The following SH3BGRL2 variants were observed in gnomAD, a reference collection of about 807,000 sequenced individuals.
SH3BGRL2 encodes SH3 domain binding glutamate rich protein like 2.
In SH3BGRL2, 21 loss-of-function variants were observed where a neutral mutation model predicts 14.8. That is an observed-to-expected ratio of 1.42 (90% confidence interval 1.01 to 2.05). The LOEUF (loss-of-function observed/expected upper bound fraction) is 2.05, where lower values mean the gene tolerates loss of function less well. SH3BGRL2 is among the 30% of genes most tolerant of loss of function. The probability of loss-of-function intolerance (pLI) is 0.00; values close to 1 mark genes in which losing one functional copy is unlikely to be tolerated. For synonymous variants in SH3BGRL2, 50 were observed against 47.8 expected, an observed-to-expected ratio of 1.05 and a Z score of -0.19; for missense variants, 147 against 130.8, an observed-to-expected ratio of 1.12 and a Z score of -0.61.
chr6:79,565,775 G>T, the SH3BGRL2 span, among the ~76,000 whole-genome samples: 1 of 152,202 alleles, frequency 6.6e-6, no homozygotes, highest in African/African-American at 2.4e-5. Flanking sequence ...CACTGGTACA[G>T]TGCATATTTG....
chr6:79,540,623 A>C, the SH3BGRL2 span, among the ~76,000 whole-genome samples: 3 of 152,112 alleles, frequency 2.0e-5, no homozygotes, highest in Admixed American at 1.3e-4. Flanking sequence ...ACTTGATGAA[A>C]TGTACGAGTT....
At chr6:79,588,839 A>G in the SH3BGRL2 span, among the ~76,000 whole-genome samples, 1 of 152,100 alleles carries the variant, frequency 6.6e-6, no homozygotes, top group Non-Finnish European at 1.5e-5. Flanking sequence ...AGCTGAAGCA[A>G]TTGGGTATTA....
the SH3BGRL2 span, among the ~76,000 whole-genome samples, chr6:79,617,281 C>T: frequency 3.9e-5 from 6 of 152,236 alleles, no homozygotes; most frequent in East Asian, 1.2e-3. Context: ...GATTATTCTG[C>T]ATTTATCTAT....
chr6:79,589,743 A>G, the SH3BGRL2 span, among the ~76,000 whole-genome samples: 1 of 152,050 alleles, frequency 6.6e-6, no homozygotes, highest in African/African-American at 2.4e-5. Context: ...AAACTACAAC[A>G]TTGGAAAAAT....
the SH3BGRL2 span, among the ~76,000 whole-genome samples, chr6:79,621,053 G>A: frequency 8.8e-3 from 1,335 of 151,934 alleles, 18 homozygotes; most frequent in African/African-American, 0.03. Context: ...GTGAGCCACC[G>A]AGCCCAGCCA....
At chr6:79,678,989 A>G (rs934301256) in intron 2 of SH3BGRL2, among the ~76,000 whole-genome samples, 4 of 152,154 alleles carry the variant, frequency 2.6e-5, no homozygotes, top group South Asian at 2.1e-4. Context: ...CATGGTGTAT[A>G]TGTATCACAT....
the SH3BGRL2 span, among the ~76,000 whole-genome samples, chr6:79,585,752 A>G: frequency 6.8e-6 from 1 of 148,036 alleles, no homozygotes; most frequent in East Asian, 2.0e-4. Context: ...GGAAAGATGT[A>G]ATTTACTTTT....
chr6:79,610,126 C>T, the SH3BGRL2 span, among the ~76,000 whole-genome samples: 1 of 152,142 alleles, frequency 6.6e-6, no homozygotes, highest in African/African-American at 2.4e-5. Context: ...AAAAGGAAGG[C>T]ACACTATTAC....
chr6:79,664,655 C>CAGA (rs764663626), intron 1 of SH3BGRL2, among the ~76,000 whole-genome samples: 6 of 152,130 alleles, frequency 3.9e-5, no homozygotes, highest in Non-Finnish European at 8.8e-5. Context: ...TTGCAGCAGC[C>CAGA]AGAACTACTT....
intron 1 of SH3BGRL2, among the ~76,000 whole-genome samples, chr6:79,655,468 A>G (rs574774166): frequency 2.5e-4 from 38 of 152,228 alleles, no homozygotes; most frequent in African/African-American, 8.9e-4. Context: ...TAAACTATTT[A>G]AACTATACAA....
At chr6:79,559,424 G>A in the SH3BGRL2 span, among the ~76,000 whole-genome samples, 1 of 152,142 alleles carries the variant, frequency 6.6e-6, no homozygotes, top group Non-Finnish European at 1.5e-5. Flanking sequence ...GCCAGGCATG[G>A]ATAACCCAAA....
chr6:79,626,652 G>T (rs1388530295), upstream of SH3BGRL2, among the ~76,000 whole-genome samples: 1 of 152,228 alleles, frequency 6.6e-6, no homozygotes, highest in Non-Finnish European at 1.5e-5. Context: ...TGCCCATAGG[G>T]CTGTGCCTGT....
chr6:79,560,439 G>A, the SH3BGRL2 span, among the ~76,000 whole-genome samples: 6 of 152,134 alleles, frequency 3.9e-5, no homozygotes, highest in Admixed American at 3.9e-4. Flanking sequence ...GTACTAGGAA[G>A]CTGAAACAGG....
At chr6:79,661,546 T>C (rs1230184553) in intron 1 of SH3BGRL2, among the ~76,000 whole-genome samples, 1 of 152,192 alleles carries the variant, frequency 6.6e-6, no homozygotes, top group East Asian at 1.9e-4. Context: ...GTGCTTTACT[T>C]CTAATTATGT....
At chr6:79,636,855 A>G (rs1768934931) in intron 1 of SH3BGRL2, among the ~76,000 whole-genome samples, 3 of 152,174 alleles carry the variant, frequency 2.0e-5, no homozygotes, top group Admixed American at 2.0e-4. Context: ...GGACACAGCC[A>G]TACTGAGTAG....
At chr6:79,539,483 A>G in the SH3BGRL2 span, among the ~76,000 whole-genome samples, 1 of 152,238 alleles carries the variant, frequency 6.6e-6, no homozygotes, top group South Asian at 2.1e-4. Context: ...AAATTCTGCA[A>G]TGGTCATTAA....
chr6:79,646,224 G>A (rs1204940909), intron 1 of SH3BGRL2, among the ~76,000 whole-genome samples: 4 of 152,210 alleles, frequency 2.6e-5, no homozygotes, highest in African/African-American at 9.6e-5. Flanking sequence ...GTATCAGAGA[G>A]GAAATGGTCT....
the SH3BGRL2 span, among the ~76,000 whole-genome samples, chr6:79,572,614 C>T: frequency 1.8e-3 from 280 of 152,150 alleles, 1 homozygote; most frequent in African/African-American, 6.5e-3. Flanking sequence ...TACAGGCGCC[C>T]GCCACCACGC....
chr6:79,622,862 A>G, the SH3BGRL2 span, among the ~76,000 whole-genome samples: 1 of 152,208 alleles, frequency 6.6e-6, no homozygotes. Context: ...TAAGTTACTG[A>G]TAGAGAGCAA....
Sources: allele counts gnomAD v4.1 joint callset (sites outside exome capture counted in the v4.1 genomes callset), GRCh38; gene constraint gnomAD v4.1.1; transcripts MANE v1.5; gene names NCBI Gene and HGNC (gene_info 2026-07-23, HGNC 2026-07-21).